The following ASB15 variants were observed in gnomAD, a reference collection of about 807,000 sequenced individuals.
ASB15 encodes ankyrin repeat and SOCS box containing 15, also known as ankyrin repeat and SOCS box protein 15.
Under a neutral mutation model 58.0 loss-of-function variants are expected in ASB15, and 54 were observed. That is an observed-to-expected ratio of 0.93 (90% CI 0.75 to 1.17). The LOEUF (loss-of-function observed/expected upper bound fraction) is 1.17, where lower values mean the gene tolerates loss of function less well. ASB15 is among the 50% of genes most tolerant of loss of function. The pLI is 0.00. For missense variants in ASB15, 680 were observed against 707.4 expected (o/e 0.96, Z 0.44); for synonymous variants, 249 against 262.4 (o/e 0.95, Z 0.50).
Position 123,570,271 on chromosome 7 carries a change from C to G in ASB15, c.-443+3183C>G, listed in dbSNP as rs1584716621. 2.6e-5 allele frequency among the ~76,000 whole-genome samples: 4 copies of G among 151,890 alleles called. No homozygotes were observed. In the South Asian group the frequency reaches 8.3e-4, roughly 32 times the overall value. On this transcript the variant is annotated intron_variant, in intron 1 of 13. Transcript: ENST00000451558. ...CAGGATGGTCTAGATCTCCTGACCTCGTGATCCACCCACCTCGGCCCCCCA... is the reference window on the plus strand; with the variant it reads ...CAGGATGGTCTAGATCTCCTGACCTGGTGATCCACCCACCTCGGCCCCCCA...
intron 1 of ASB15, among the ~76,000 whole-genome samples, chr7:123,591,549 G>A (rs1158102093): frequency 6.6e-6 from 1 of 152,168 alleles, no homozygotes; most frequent in Non-Finnish European, 1.5e-5. Flanking sequence ...TGCACATATT[G>A]AGATAATCAT....
intron 9 of ASB15, 35 bp from the exon 10 acceptor site, chr7:123,628,829 T>C: frequency 7.3e-7 from 1 of 1,366,626 alleles, no homozygotes. Flanking sequence ...TTGATTTTCT[T>C]TATGGCAAGT....
chr7:123,596,896 T>C (rs988003816), upstream of ASB15, among the ~76,000 whole-genome samples: 5 of 152,212 alleles, frequency 3.3e-5, no homozygotes, highest in African/African-American at 7.2e-5. Context: ...TGGTTGCCAA[T>C]ATAGAGCTTT....
chr7:123,597,916 TCGTG>T (rs1380317327), upstream of ASB15, among the ~76,000 whole-genome samples: 121 of 78,688 alleles, frequency 1.5e-3, 1 homozygote, highest in Admixed American at 9.8e-3. Flanking sequence ...TTTTCAAACT[TCGTG>T]TGTGTGTGTG....
chr7:123,627,448 C>T (rs946572018), intron 9 of ASB15, among the ~76,000 whole-genome samples, 167 bp downstream of exon 9: 1 of 152,030 alleles, frequency 6.6e-6, no homozygotes, highest in Non-Finnish European at 1.5e-5. Context: ...TTTAATTTTC[C>T]TCCTTTTGAT....
At chr7:123,624,510 T>C in intron 7 of ASB15, 59 bp from the exon 8 acceptor site, 2 of 1,489,256 alleles carry the variant, frequency 1.3e-6, no homozygotes, top group South Asian at 1.2e-5. Flanking sequence ...ATTAGTTTAA[T>C]ACCACCTAAG....
Position 123,628,953 on chromosome 7 carries a change from A to G in ASB15, c.959A>G (p.Asn320Ser). The change falls in exon 10 of 12, where the codon AAT becomes AGT. Residue 320 changes from asparagine to serine, a missense_variant. Transcript: ENST00000451215. ...TPIHSAADGQ[N>S]AQCLELLIEN... ...ATTCACTCAGCAGCAGATGGACAAA[A>G]TGCACAGTGTCTAGAACTGCTCATT... 6.2e-7 allele frequency: 1 copy of G among 1,610,538 alleles called. No individual in the cohort carries two copies. The highest frequency in any genetic ancestry group is 8.5e-7 in the Non-Finnish European group (1 of 1,178,306).
chr7:123,608,425 T>G (rs866444303), intron 2 of ASB15, among the ~76,000 whole-genome samples, 169 bp from the exon 3 acceptor site: 1 of 152,232 alleles, frequency 6.6e-6, no homozygotes, highest in African/African-American at 2.4e-5. Flanking sequence ...CTTTTATATC[T>G]TTTTCTAAAA....
upstream of ASB15, chr7:123,599,056 C>T (rs1369734752): frequency 6.6e-6 from 1 of 151,950 alleles, no homozygotes; most frequent in Non-Finnish European, 1.5e-5. Context: ...TGTTTTATGC[C>T]TAACCAAAAT....
intron 2 of ASB15, among the ~76,000 whole-genome samples, chr7:123,607,149 G>T (rs544071540): frequency 6.6e-6 from 1 of 152,188 alleles, no homozygotes; most frequent in African/African-American, 2.4e-5. Context: ...TTATCAAGTT[G>T]TACATGGTAA....
chr7:123,601,573 G>T (rs536906138), upstream of ASB15, among the ~76,000 whole-genome samples: 1 of 152,268 alleles, frequency 6.6e-6, no homozygotes, highest in Admixed American at 6.5e-5. Flanking sequence ...TTAATTCCAA[G>T]TGGTTTGGTT....
chr7:123,633,640 C>T (rs1306524136), intron 11 of ASB15, among the ~76,000 whole-genome samples: 2 of 152,074 alleles, frequency 1.3e-5, no homozygotes, highest in African/African-American at 4.8e-5. Flanking sequence ...TGTGCACGCG[C>T]GCGCACGTGC....
chr7:123,582,012 C>T (rs1250709888), intron 1 of ASB15, among the ~76,000 whole-genome samples: 6 of 151,974 alleles, frequency 3.9e-5, no homozygotes, highest in African/African-American at 1.4e-4. Flanking sequence ...TGCTCCATTT[C>T]CATTTGTGAA....
chr7:123,635,252 G>A (rs931560706), intron 11 of ASB15, among the ~76,000 whole-genome samples: 2 of 152,020 alleles, frequency 1.3e-5, no homozygotes, highest in East Asian at 1.9e-4. Flanking sequence ...TTTGGTCTCC[G>A]GCAAAGTTCT....
chr7:123,581,979 C>G (rs151136890), intron 1 of ASB15, among the ~76,000 whole-genome samples: 2 of 152,112 alleles, frequency 1.3e-5, no homozygotes, highest in East Asian at 3.9e-4. Flanking sequence ...GCCATGAATT[C>G]TGGGGCAGAA....
intron 1 of ASB15, among the ~76,000 whole-genome samples, chr7:123,586,959 T>C (rs1178689636): frequency 6.6e-6 from 1 of 151,798 alleles, no homozygotes; most frequent in Admixed American, 6.6e-5. Flanking sequence ...GTCTTTGTAT[T>C]ATAATTTGAA....
chr7:123,589,658 T>A (rs1799478353), intron 1 of ASB15, among the ~76,000 whole-genome samples: 1 of 152,192 alleles, frequency 6.6e-6, no homozygotes, highest in Non-Finnish European at 1.5e-5. Flanking sequence ...ACTCATCCTT[T>A]TTTATGGCTG....
intron 3 of ASB15, among the ~76,000 whole-genome samples, chr7:123,611,556 A>T (rs1325294140): frequency 6.6e-6 from 1 of 152,132 alleles, no homozygotes; most frequent in Non-Finnish European, 1.5e-5. Context: ...TTGGCCTCCC[A>T]AAGTACTGGG....
At chr7:123,614,731 G>A (rs938510633) in intron 4 of ASB15, 122 bp downstream of exon 4, 1 of 716,916 alleles carries the variant, frequency 1.4e-6, no homozygotes, top group African/African-American at 1.8e-5. Flanking sequence ...TTTCTGATAG[G>A]GAATCTAACA....
Sources: gnomAD v4.1 joint callset for allele counts (sites outside exome capture counted in the v4.1 genomes callset) on GRCh38, gnomAD v4.1.1 for gene constraint, MANE v1.5 for transcripts, NCBI Gene and HGNC (gene_info 2026-07-23, HGNC 2026-07-21) for gene names.